The following TAFA2 variants were observed in gnomAD, a reference collection of about 807,000 sequenced individuals.
TAFA2 encodes chemokine-like protein TAFA-2.
Under a neutral mutation model 18.8 loss-of-function variants are expected in TAFA2, and 7 were observed. That is an observed-to-expected ratio of 0.37 (90% CI 0.21 to 0.70). The LOEUF is 0.70. Among genes scored for constraint, TAFA2 ranks in the 30% least tolerant of loss-of-function variants. TAFA2 has a pLI of 0.53. For missense variants in TAFA2, 122 were observed against 158.1 expected, an observed-to-expected ratio of 0.77 and a Z score of 1.23; for synonymous variants, 60 against 54.2, an observed-to-expected ratio of 1.11 and a Z score of -0.47.
At chr12:62,247,542 G>T (rs769688914) in intron 1 of TAFA2, among the ~76,000 whole-genome samples, 2 of 152,064 alleles carry the variant, frequency 1.3e-5, no homozygotes, top group African/African-American at 4.8e-5. Context: ...GTACAAAACC[G>T]CATTTTTTTA....
At chr12:62,073,104 C>T (rs185488251) in intron 1 of TAFA2, among the ~76,000 whole-genome samples, 1 of 152,276 alleles carries the variant, frequency 6.6e-6, no homozygotes, top group East Asian at 1.9e-4. Flanking sequence ...GCAGGAAGTG[C>T]CATATCCAGT....
chr12:61,783,373 T>C (rs548812595), intron 2 of TAFA2, among the ~76,000 whole-genome samples: 8 of 151,790 alleles, frequency 5.3e-5, no homozygotes, highest in African/African-American at 1.9e-4. Context: ...AGAATCAACT[T>C]TATTTCTGGT....
Position 62,073,829 on chromosome 12 carries a change from A to T in TAFA2, c.-2+117430T>A, listed in dbSNP as rs556539207. Among the ~76,000 whole-genome samples the T allele has an allele frequency of 5.9e-5, 9 of 152,368 alleles. No homozygotes were observed. In the East Asian group the frequency reaches 1.7e-3, roughly 29 times the overall value. On this transcript the variant is annotated intron_variant, in intron 1 of 4. Transcript: ENST00000416284. The stretch of plus-strand genomic sequence containing the variant: ...CATGGTACTGAGGTCTTCCTATGCC[A>T]CGACTATACAGATGAAAATGAATCA...
intron 1 of TAFA2, among the ~76,000 whole-genome samples, chr12:62,215,746 CAAA>C (rs200803405): frequency 1.4e-5 from 1 of 72,570 alleles, no homozygotes; most frequent in Admixed American, 1.5e-4. Context: ...ACTTGTTTCT[CAAA>C]AAAAAAAAAA....
At chr12:61,983,141 A>G (rs1435205778) in intron 1 of TAFA2, among the ~76,000 whole-genome samples, 2 of 152,210 alleles carry the variant, frequency 1.3e-5, no homozygotes, top group African/African-American at 4.8e-5. Flanking sequence ...AAAAAGCTAT[A>G]CAGTGCTGGA....
At chr12:62,254,547 A>G (rs1454090362) in intron 1 of TAFA2, among the ~76,000 whole-genome samples, 3 of 152,232 alleles carry the variant, frequency 2.0e-5, no homozygotes, top group Non-Finnish European at 4.4e-5. Flanking sequence ...TGTATTACAC[A>G]GAAGCCTTGG....
At chr12:61,859,745 A>G in intron 2 of TAFA2, among the ~76,000 whole-genome samples, 1 of 152,150 alleles carries the variant, frequency 6.6e-6, no homozygotes, top group Non-Finnish European at 1.5e-5. Flanking sequence ...CCCCGCCCAG[A>G]AAAAGCAATA....
chr12:62,063,266 A>C (rs940139316), intron 1 of TAFA2, among the ~76,000 whole-genome samples: 6 of 152,164 alleles, frequency 3.9e-5, no homozygotes, highest in African/African-American at 7.2e-5. Flanking sequence ...TCTTACTATT[A>C]AATATTTCCT....
chr12:61,879,453 C>A, intron 1 of TAFA2: 1 of 691,226 alleles, frequency 1.4e-6, no homozygotes. Flanking sequence ...GCAGCAGCAG[C>A]TTCCAGGGTG....
intron 1 of TAFA2, among the ~76,000 whole-genome samples, chr12:61,911,475 G>T (rs2121343773): frequency 6.6e-6 from 1 of 152,216 alleles, no homozygotes; most frequent in South Asian, 2.1e-4. Context: ...ATGACATTTT[G>T]AACTCACACA....
chr12:61,791,594 CA>C (rs1212552851), intron 2 of TAFA2, among the ~76,000 whole-genome samples: 2 of 151,570 alleles, frequency 1.3e-5, no homozygotes, highest in East Asian at 3.9e-4. Flanking sequence ...TTAAAACATA[CA>C]AATGACCAAA....
chr12:62,251,488 G>C (rs1004225404), intron 1 of TAFA2, among the ~76,000 whole-genome samples: 3 of 152,144 alleles, frequency 2.0e-5, no homozygotes, highest in African/African-American at 7.2e-5. Flanking sequence ...AGTAAATTTT[G>C]GCCACTGCCA....
chr12:61,840,945 A>G (rs1342269446), intron 2 of TAFA2, among the ~76,000 whole-genome samples: 1 of 152,120 alleles, frequency 6.6e-6, no homozygotes, highest in African/African-American at 2.4e-5. Flanking sequence ...CATCAACATA[A>G]AAGTGTCAAG....
intron 1 of TAFA2, among the ~76,000 whole-genome samples, chr12:61,965,729 A>G (rs1440202452): frequency 6.6e-6 from 1 of 151,938 alleles, no homozygotes; most frequent in African/African-American, 2.4e-5. Context: ...AATTACTGCT[A>G]CTTGACTAGT....
intron 1 of TAFA2, among the ~76,000 whole-genome samples, chr12:61,910,240 C>T (rs1192809382): frequency 1.3e-5 from 2 of 151,976 alleles, no homozygotes; most frequent in African/African-American, 4.8e-5. Context: ...GGGGTACAAT[C>T]CACAGTGTAG....
intron 1 of TAFA2, among the ~76,000 whole-genome samples, chr12:62,229,481 T>C (rs1165991776): frequency 3.3e-5 from 5 of 152,108 alleles, no homozygotes; most frequent in African/African-American, 4.8e-5. Flanking sequence ...GATCATATGG[T>C]TTTTGTTCTT....
At chr12:61,993,575 C>T (rs763817865) in intron 1 of TAFA2, among the ~76,000 whole-genome samples, 4 of 152,124 alleles carry the variant, frequency 2.6e-5, no homozygotes, top group Non-Finnish European at 5.9e-5. Flanking sequence ...AAGCTACAAA[C>T]TTTAGTGTTG....
At position 61,879,537 on chromosome 12, in the gene TAFA2, G is replaced by A. The variant is rs1265840853; in HGVS notation, c.-1-12111C>T. 2.1e-5 allele frequency: 15 copies of A among 723,736 alleles called. No homozygotes were observed. In the Admixed American group the frequency reaches 2.6e-4, roughly 12 times the overall value. The allele number at this position is 723,736 out of a possible 1,614,324, so 44.8% of individuals were successfully genotyped here. On this transcript the variant is annotated intron_variant, in intron 1 of 4. Coordinates refer to ENST00000416284, the MANE Select transcript of TAFA2 (RefSeq NM_178539.5). ...CTGTCATGGTCAACCAGAGCCTGCT[G>A]AGGCCCCTTAACCTGGAGGTGGACC...
At chr12:61,737,599 A>G (rs887515746) in intron 4 of TAFA2, among the ~76,000 whole-genome samples, 12 of 151,934 alleles carry the variant, frequency 7.9e-5, no homozygotes, top group Non-Finnish European at 1.8e-4. Context: ...AAAAAAAAAA[A>G]CTTAGTTTCC....
Sources: allele counts gnomAD v4.1 joint callset (sites outside exome capture counted in the v4.1 genomes callset), GRCh38; gene constraint gnomAD v4.1.1; transcripts MANE v1.5; gene names NCBI Gene and HGNC (gene_info 2026-07-23, HGNC 2026-07-21).